The following FAM228B variants were observed in gnomAD, a reference collection of about 807,000 sequenced individuals.
FAM228B encodes protein FAM228B.
Under a neutral mutation model 42.6 loss-of-function variants are expected in FAM228B, and 38 were observed. That is an observed-to-expected ratio of 0.89 (90% CI 0.69 to 1.17). FAM228B has a LOEUF of 1.17. Among genes scored for constraint, FAM228B ranks in the 50% most tolerant of loss-of-function variants. The probability of loss-of-function intolerance (pLI) is 0.00; values close to 1 mark genes in which losing one functional copy is unlikely to be tolerated. For synonymous variants in FAM228B, 109 were observed against 122.3 expected (o/e 0.89, Z 0.72); for missense variants, 344 against 367.3 (o/e 0.94, Z 0.52).
chr2:24,080,939 T>C lies in FAM228B; in HGVS notation c.-226T>C. ...TGGGAGCCAGCTGTGACCAGAGGAATAGCTCCAGCCATCCGGGTGAGTTGG... is the reference window on the plus strand; with the variant it reads ...TGGGAGCCAGCTGTGACCAGAGGAACAGCTCCAGCCATCCGGGTGAGTTGG... On this transcript the variant is annotated 5_prime_UTR_variant, in exon 2 of 11. Transcript: ENST00000613899. This position sits in a 1 kb window ranked among gnomAD's most constrained non-coding sequence, Gnocchi z 4.7. 3 of 1,614,206 alleles carry C rather than the reference T, an allele frequency of 1.9e-6. No homozygotes were observed. The South Asian group carries it at 3.3e-5, about 18-fold the overall frequency.
intron 3 of FAM228B, among the ~76,000 whole-genome samples, chr2:24,114,689 G>T (rs1665859902): frequency 6.6e-6 from 1 of 152,122 alleles, no homozygotes; most frequent in African/African-American, 2.4e-5. Flanking sequence ...CAACCAGGCT[G>T]GCCTGAGGAT....
At chr2:24,115,618 G>A (rs1460830188) in intron 3 of FAM228B, 2 of 1,612,150 alleles carry the variant, frequency 1.2e-6, no homozygotes, top group Non-Finnish European at 1.7e-6. Flanking sequence ...TCTCCTGAAA[G>A]CAAACACAGC....
chr2:24,141,371 G>C (rs564943890), intron 5 of FAM228B, among the ~76,000 whole-genome samples: 2 of 152,334 alleles, frequency 1.3e-5, no homozygotes, highest in East Asian at 3.9e-4. Flanking sequence ...AGCCTCCTGA[G>C]TAGCTGGGAC....
At chr2:24,135,074 A>G (rs1345919100) in intron 2 of FAM228B, 45 bp from the exon 3 acceptor site, 6 of 1,213,772 alleles carry the variant, frequency 4.9e-6, no homozygotes, top group Non-Finnish European at 7.0e-6. Context: ...TAGCACTAAT[A>G]GTTTTTAAAG....
chr2:24,135,822 A>G (rs1464593421), intron 3 of FAM228B, among the ~76,000 whole-genome samples: 1 of 152,046 alleles, frequency 6.6e-6, no homozygotes, highest in African/African-American at 2.4e-5. Flanking sequence ...TGCTATATGA[A>G]AGGTGAATGA....
chr2:24,080,600 C>T lies in FAM228B; in HGVS notation c.-289-276C>T. On this transcript the variant is annotated intron_variant, in intron 1 of 10. Coordinates refer to the FAM228B transcript ENST00000613899. The surrounding 1 kb of genome is among the most constrained non-coding windows in gnomAD (Gnocchi z 4.7). ...TGCATGGTCTAAAGTGTGGATGAAT[C>T]TTATCTCTTGCAAGAATGCACATGG... 1.7e-6 allele frequency: 1 copy of T among 600,742 alleles called. No individual in the cohort carries two copies. The highest frequency in any genetic ancestry group is 3.0e-6 in the Non-Finnish European group (1 of 332,558). 37.2% of individuals were successfully genotyped at this position (600,742 alleles called of 1,614,324 possible). A position where few individuals can be genotyped will look rare whatever the true frequency, so the allele number is the denominator to read the frequency against.
intron 8 of FAM228B, among the ~76,000 whole-genome samples, chr2:24,162,451 C>T (rs984875260): frequency 6.6e-6 from 1 of 152,192 alleles, no homozygotes; most frequent in African/African-American, 2.4e-5. Flanking sequence ...AAAAGTCGTG[C>T]TGCCCCTCAG....
upstream of FAM228B, chr2:24,119,661 C>T (rs768501986): frequency 2.2e-5 from 36 of 1,612,486 alleles, no homozygotes; most frequent in Middle Eastern, 1.6e-4. Flanking sequence ...TGGGTCTTCA[C>T]GACAACCACA....
intron 3 of FAM228B, among the ~76,000 whole-genome samples, chr2:24,111,852 C>T (rs575503687): frequency 4.2e-4 from 63 of 149,676 alleles, no homozygotes; most frequent in Non-Finnish European, 8.7e-4. Flanking sequence ...ACATACAACT[C>T]CCATCTGCCA....
chr2:24,094,541 A>C (rs1665458689), intron 2 of FAM228B, among the ~76,000 whole-genome samples: 1 of 152,084 alleles, frequency 6.6e-6, no homozygotes, highest in Non-Finnish European at 1.5e-5. Flanking sequence ...CCGGAGTAAA[A>C]TGTTGTGATC....
At chr2:24,088,406 A>G (rs1353086608) in intron 2 of FAM228B, among the ~76,000 whole-genome samples, 1 of 152,086 alleles carries the variant, frequency 6.6e-6, no homozygotes, top group Non-Finnish European at 1.5e-5. Context: ...GCTGGAATGC[A>G]GTGGGGTGAT....
At chr2:24,168,532 A>G (rs1029006933) in intron 10 of FAM228B, among the ~76,000 whole-genome samples, 10 of 152,218 alleles carry the variant, frequency 6.6e-5, no homozygotes, top group African/African-American at 2.2e-4. Flanking sequence ...GGTTAAGTGG[A>G]GCAGCTGAAA....
At chr2:24,105,614 G>A (rs980749495) in intron 3 of FAM228B, among the ~76,000 whole-genome samples, 2 of 152,156 alleles carry the variant, frequency 1.3e-5, no homozygotes, top group African/African-American at 2.4e-5. Context: ...AACTGGGCTG[G>A]AATGACTGAA....
intron 1 of FAM228B, among the ~76,000 whole-genome samples, chr2:24,078,572 T>C (rs1008023623): frequency 6.6e-6 from 1 of 151,468 alleles, no homozygotes; most frequent in African/African-American, 2.4e-5. Flanking sequence ...AGAGACCACA[T>C]AGGAGCTAAA....
chr2:24,138,121 G>A (rs964738979), intron 4 of FAM228B, 21 bp downstream of exon 4: 1 of 1,494,940 alleles, frequency 6.7e-7, no homozygotes, highest in African/African-American at 1.4e-5. Flanking sequence ...ATCATTTGAT[G>A]CTTTTTTCAG....
intron 9 of FAM228B, among the ~76,000 whole-genome samples, chr2:24,164,651 C>T (rs1184880613): frequency 6.6e-6 from 1 of 152,210 alleles, no homozygotes; most frequent in Non-Finnish European, 1.5e-5. Context: ...TTCCCCAGCC[C>T]CTCTCTCAGT....
chr2:24,146,219 T>G (rs1666890666), intron 5 of FAM228B, among the ~76,000 whole-genome samples: 1 of 152,190 alleles, frequency 6.6e-6, no homozygotes, highest in African/African-American at 2.4e-5. Context: ...GCCTAAATGG[T>G]GAATGTTGCT....
At chr2:24,154,060 A>G (rs1054789420) in intron 7 of FAM228B, among the ~76,000 whole-genome samples, 9 of 152,194 alleles carry the variant, frequency 5.9e-5, no homozygotes, top group African/African-American at 2.2e-4. Context: ...TCTGTACCAC[A>G]CGGCTATGAC....
At chr2:24,160,130 C>T (rs1484074072) in intron 7 of FAM228B, among the ~76,000 whole-genome samples, 2 of 151,974 alleles carry the variant, frequency 1.3e-5, no homozygotes, top group African/African-American at 4.8e-5. Context: ...GATGGGACTA[C>T]AGGCATGCAC....
Sources: allele counts gnomAD v4.1 joint callset (sites outside exome capture counted in the v4.1 genomes callset), GRCh38; gene constraint gnomAD v4.1.1; non-coding constraint Gnocchi (gnomAD v3.1); transcripts MANE v1.5; gene names NCBI Gene and HGNC (gene_info 2026-07-23, HGNC 2026-07-21).